Variants in DNAAF9 observed in about 807,000 individuals in gnomAD.
DNAAF9 encodes dynein axonemal assembly factor 9, also known as shulin.
DNAAF9 carries 90 observed loss-of-function variants against 167.0 expected under a neutral mutation model. The observed-to-expected ratio is 0.54, with a 90% confidence interval of 0.45 to 0.64. The LOEUF is 0.64. DNAAF9 is among the 30% of genes least tolerant of loss of function. The pLI, the probability that DNAAF9 is intolerant of heterozygous loss-of-function variation, is 0.00. For synonymous variants in DNAAF9, 491 were observed against 508.8 expected, an observed-to-expected ratio of 0.96 and a Z score of 0.47; for missense variants, 1,315 against 1,442.2, an observed-to-expected ratio of 0.91 and a Z score of 1.43.
At chr20:3,270,135 G>GC (rs1341367974) in intron 30 of DNAAF9, among the ~76,000 whole-genome samples, 2 of 81,796 alleles carry the variant, frequency 2.4e-5, no homozygotes, top group Non-Finnish European at 4.5e-5. Context: ...TGCCCAGCCT[G>GC]CTTTTTTTTT....
intron 20 of DNAAF9, among the ~76,000 whole-genome samples, chr20:3,308,193 T>C (rs547725040): frequency 1.3e-5 from 2 of 152,266 alleles, no homozygotes; most frequent in Admixed American, 6.5e-5. Context: ...CTTAGTTTTG[T>C]CTGTGTTTTT....
chr20:3,269,595 T>C (rs1600678761), intron 30 of DNAAF9, among the ~76,000 whole-genome samples: 1 of 152,240 alleles, frequency 6.6e-6, no homozygotes, highest in East Asian at 1.9e-4. Context: ...AGAATGTGAA[T>C]GGATCAAAAC....
rs1434142092 is a variant in DNAAF9, at chr20:3,340,562, G to A, written c.923C>T (p.Pro308Leu). The A allele has an allele frequency of 6.2e-6, 10 of 1,613,270 alleles. No individual in the cohort carries two copies. The highest frequency in any genetic ancestry group is 1.3e-5 in the African/African-American group (1 of 74,838). ...GCTTCGTACCAGATGTCCTTCAGAA[G>A]GGAAGTTAAAGTTGCCAGCATTCAG... Reference protein sequence around the residue: ...ENLNAGNFNFPSEGHLVRSTG... With the variant: ...ENLNAGNFNFLSEGHLVRSTG... The change falls in exon 10 of 37, where the codon CCT becomes CTT. Residue 308 changes from proline (P) to leucine (L), a missense_variant. By Grantham distance (98) the Pro-to-Leu change is moderately conservative (BLOSUM62 -3). Transcript: ENST00000252032.
intron 8 of DNAAF9, among the ~76,000 whole-genome samples, chr20:3,346,189 A>G (rs2070189737): frequency 6.6e-6 from 1 of 152,236 alleles, no homozygotes; most frequent in Non-Finnish European, 1.5e-5. Flanking sequence ...GTGCAGCAAC[A>G]GGCATTCATA....
intron 6 of DNAAF9, among the ~76,000 whole-genome samples, chr20:3,372,441 T>C (rs1197880973): frequency 1.3e-5 from 2 of 152,250 alleles, no homozygotes. Flanking sequence ...TTATGATGTG[T>C]ACCATTTCTT....
intron 29 of DNAAF9, among the ~76,000 whole-genome samples, chr20:3,274,058 C>T (rs2068637776): frequency 6.6e-6 from 1 of 152,096 alleles, no homozygotes; most frequent in Admixed American, 6.5e-5. Context: ...CTGCTCTCTC[C>T]CCTTCTCTGA....
At chr20:3,326,566 G>A (rs529528515) in intron 12 of DNAAF9, among the ~76,000 whole-genome samples, 15 of 151,758 alleles carry the variant, frequency 9.9e-5, no homozygotes, top group African/African-American at 3.1e-4. Flanking sequence ...ACCCCATCTC[G>A]ACAAAAAATA....
intron 16 of DNAAF9, among the ~76,000 whole-genome samples, chr20:3,321,926 G>A (rs567366331): frequency 1.1e-4 from 17 of 152,268 alleles, no homozygotes; most frequent in African/African-American, 4.1e-4. Flanking sequence ...GCTACCTGTA[G>A]GAAGGCTTCA....
chr20:3,349,163 TG>T (rs1367141622), intron 7 of DNAAF9, among the ~76,000 whole-genome samples: 1 of 125,120 alleles, frequency 8.0e-6, no homozygotes, highest in Non-Finnish European at 1.6e-5. Context: ...CAGACCAGCT[TG>T]GGCAACATGA....
Position 3,260,000 on chromosome 20 carries a change from C to A in DNAAF9, c.2902G>T (p.Val968Phe). The A allele has an allele frequency of 6.2e-7, 1 of 1,611,714 alleles. No individual in the cohort carries two copies. The highest frequency in any genetic ancestry group is 8.5e-7 in the Non-Finnish European group (1 of 1,177,748). Residue 968 changes from valine (V) to phenylalanine (F), a missense_variant, in exon 32 of 37, where the codon GTC becomes TTC. Physicochemically the swap from Val to Phe is conservative, Grantham distance 50. Around this residue, in one of 2 missense-constraint regions of DNAAF9, gnomAD observed 334 missense variants for 429.7 expected, o/e 0.78. Coordinates refer to ENST00000252032, the MANE Select transcript of DNAAF9 (RefSeq NM_001009984.3). The part of the protein sequence containing the change: ...WYEGKLNAGS[V>F]YPLMVQICVW... The stretch of plus-strand genomic sequence containing the variant: ...CAGATCTGAACCATTAGGGGATAGA[C>A]TGATCCAGCATTCAATTTACCTTCA...
chr20:3,369,793 T>C (rs1221788472), intron 6 of DNAAF9, among the ~76,000 whole-genome samples: 1 of 152,242 alleles, frequency 6.6e-6, no homozygotes, highest in Non-Finnish European at 1.5e-5. Context: ...CACCCCTCTA[T>C]TGATTTTATC....
chr20:3,295,744 C>T, intron 23 of DNAAF9: 2 of 652,958 alleles, frequency 3.1e-6, no homozygotes, highest in South Asian at 1.4e-5. Flanking sequence ...ATGTAGTTGT[C>T]CACTTTATTC....
intron 31 of DNAAF9, among the ~76,000 whole-genome samples, chr20:3,260,916 G>A (rs1433495665): frequency 6.6e-6 from 1 of 152,126 alleles, no homozygotes. Context: ...ACAGGTGTAA[G>A]CCACCATAGC....
intron 20 of DNAAF9, among the ~76,000 whole-genome samples, chr20:3,314,345 A>G (rs2069465541): frequency 6.6e-6 from 1 of 152,198 alleles, no homozygotes; most frequent in South Asian, 2.1e-4. Flanking sequence ...ACATGCTGAT[A>G]GCCGAAGAGG....
intron 10 of DNAAF9, among the ~76,000 whole-genome samples, chr20:3,339,747 G>A (rs1398617613): frequency 6.6e-6 from 1 of 152,194 alleles, no homozygotes; most frequent in African/African-American, 2.4e-5. Context: ...AAGACAGGAA[G>A]CCTACAGTGG....
chr20:3,365,165 G>C (rs2083413898), intron 6 of DNAAF9, among the ~76,000 whole-genome samples: 1 of 151,780 alleles, frequency 6.6e-6, no homozygotes, highest in Non-Finnish European at 1.5e-5. Context: ...TGTAAAGATG[G>C]GATAATGTTA....
intron 16 of DNAAF9, among the ~76,000 whole-genome samples, chr20:3,319,083 A>C (rs2069562676): frequency 3.8e-5 from 1 of 26,122 alleles, no homozygotes; most frequent in African/African-American, 1.4e-4. Context: ...ACTCTGTCTC[A>C]AAAAAAAAAA....
intron 31 of DNAAF9, among the ~76,000 whole-genome samples, chr20:3,263,711 T>C (rs2068434822): frequency 1.3e-5 from 2 of 152,210 alleles, no homozygotes; most frequent in South Asian, 4.1e-4. Flanking sequence ...GCAATGGAAA[T>C]GTTCTAGATC....
chr20:3,277,570 T>C (rs1253569431), intron 29 of DNAAF9, among the ~76,000 whole-genome samples: 3 of 151,946 alleles, frequency 2.0e-5, no homozygotes, highest in African/African-American at 7.3e-5. Flanking sequence ...ACCTTCCTAA[T>C]CTCCTAAGCT....
Sources: gnomAD v4.1 joint callset for allele counts (sites outside exome capture counted in the v4.1 genomes callset) on GRCh38, gnomAD v4.1.1 for gene constraint, gnomAD v4.1.1 regional missense constraint, MANE v1.5 for transcripts, NCBI Gene and HGNC (gene_info 2026-07-23, HGNC 2026-07-21) for gene names.